Variants in ASCC3 observed in about 807,000 individuals in gnomAD.
The protein encoded by ASCC3 is activating signal cointegrator 1 complex subunit 3.
Under a neutral mutation model 256.3 loss-of-function variants are expected in ASCC3, and 158 were observed. That is an observed-to-expected ratio of 0.62 (90% CI 0.54 to 0.70). The LOEUF is 0.70. Among genes scored for constraint, ASCC3 ranks in the 30% least tolerant of loss-of-function variants. The pLI is 0.00. For missense variants in ASCC3, 2,259 were observed against 2,626.0 expected (o/e 0.86, Z 3.05); for synonymous variants, 948 against 883.4 (o/e 1.07, Z -1.30).
chr6:100,638,941 A>G (rs992955888), intron 24 of ASCC3, 120 bp from the exon 25 acceptor site: 18 of 817,020 alleles, frequency 2.2e-5, no homozygotes, highest in Admixed American at 2.2e-4. Flanking sequence ...GAAAAAACAC[A>G]AACTCTTATA....
intron 37 of ASCC3, among the ~76,000 whole-genome samples, chr6:100,536,367 A>G (rs1775162517): frequency 6.6e-6 from 1 of 152,230 alleles, no homozygotes; most frequent in Non-Finnish European, 1.5e-5. Context: ...ACGGGAGGTA[A>G]ATGGACATGC....
At chr6:100,632,182 T>TAAAAAAAAAAAAAAAAAAAAAAAAAAA (rs35229827) in intron 25 of ASCC3, among the ~76,000 whole-genome samples, 1 of 102,016 alleles carries the variant, frequency 9.8e-6, no homozygotes, top group Non-Finnish European at 2.0e-5. Flanking sequence ...GCAAACTATC[T>TAAAAAAAAAAAAAAAAAAAAAAAAAAA]AAAAAAAAAA....
intron 34 of ASCC3, among the ~76,000 whole-genome samples, chr6:100,597,659 T>A (rs1192566749): frequency 6.6e-6 from 1 of 151,502 alleles, no homozygotes; most frequent in East Asian, 1.9e-4. Flanking sequence ...AACCAACACA[T>A]GAAATATGAA....
intron 36 of ASCC3, among the ~76,000 whole-genome samples, chr6:100,557,135 T>G (rs146519856): frequency 0.012 from 1,856 of 152,284 alleles, 25 homozygotes; most frequent in Non-Finnish European, 0.015. Context: ...GTTGACTTAT[T>G]CTACTCTTTT....
chr6:100,831,980 A>G (rs1454432261), intron 4 of ASCC3, among the ~76,000 whole-genome samples: 1 of 152,150 alleles, frequency 6.6e-6, no homozygotes, highest in Non-Finnish European at 1.5e-5. Flanking sequence ...TTCTGTGGAA[A>G]TAGTACAAAG....
chr6:100,844,361 T>G (rs1772291864), intron 4 of ASCC3, among the ~76,000 whole-genome samples: 1 of 151,630 alleles, frequency 6.6e-6, no homozygotes, highest in Non-Finnish European at 1.5e-5. Context: ...GGTCCATACA[T>G]AACAGGCACT....
At chr6:100,681,262 C>T (rs1454191846) in intron 13 of ASCC3, among the ~76,000 whole-genome samples, 1 of 151,664 alleles carries the variant, frequency 6.6e-6, no homozygotes, top group African/African-American at 2.4e-5. Context: ...CAAAACAAAG[C>T]AAAACAAAAA....
At chr6:100,510,335 T>G (rs932750629) in intron 40 of ASCC3, 105 of 521,556 alleles carry the variant, frequency 2.0e-4, no homozygotes, top group Non-Finnish European at 3.5e-4. Flanking sequence ...TAGTTCGTAG[T>G]TGTAACTATC....
At chr6:100,830,070 A>G (rs574371734) in intron 4 of ASCC3, among the ~76,000 whole-genome samples, 64 of 152,138 alleles carry the variant, frequency 4.2e-4, no homozygotes, top group East Asian at 7.8e-4. Flanking sequence ...ATGTAATTTA[A>G]AAACCTTGTT....
chr6:100,681,697 A>G (rs900415476), intron 13 of ASCC3, among the ~76,000 whole-genome samples: 4 of 130,390 alleles, frequency 3.1e-5, no homozygotes, highest in African/African-American at 1.2e-4. Context: ...ACTGCACTCC[A>G]GCCTGGCAAC....
intron 13 of ASCC3, among the ~76,000 whole-genome samples, chr6:100,712,881 T>G (rs555778168): frequency 8.7e-4 from 131 of 149,750 alleles, no homozygotes; most frequent in Non-Finnish European, 1.6e-3. Flanking sequence ...CCTCAGGCTC[T>G]GCAGCAGCTG....
At chr6:100,682,005 G>T (rs953514016) in intron 13 of ASCC3, among the ~76,000 whole-genome samples, 1 of 151,836 alleles carries the variant, frequency 6.6e-6, no homozygotes, top group Non-Finnish European at 1.5e-5. Flanking sequence ...TTATAATAAT[G>T]CCCTGCTGAA....
intron 11 of ASCC3, among the ~76,000 whole-genome samples, chr6:100,718,523 C>A (rs1243226953): frequency 6.6e-6 from 1 of 151,750 alleles, no homozygotes; most frequent in Non-Finnish European, 1.5e-5. Context: ...CTTTGGGAGG[C>A]AAGGTGGGCG....
chr6:100,537,401 C>T (rs538728065), intron 37 of ASCC3, among the ~76,000 whole-genome samples: 4 of 152,068 alleles, frequency 2.6e-5, no homozygotes, highest in Non-Finnish European at 2.9e-5. Context: ...AAGACTAAGG[C>T]GACATGACAA....
rs757017535 is a variant in ASCC3, at chr6:100,512,916, T to C, written c.6078A>G (p.Ala2026=). Residue 2026 remains alanine (A), a splice_region_variant and synonymous_variant, in exon 40 of 42, where the codon GCA becomes GCG. Transcript: ENST00000369162. ...SELHAAKTKQ[A]WNFLSHLPVI... ...CTGGCAAGTGAGATAAGAAATTCCA[T>C]GCCTAAATAAAAAGAGAAAAGAAAC... is the stretch of plus-strand genomic sequence containing the variant. The C allele has an allele frequency of 3.1e-6, 5 of 1,612,930 alleles. No individual in the cohort carries two copies. Among genetic ancestry groups the C allele is most frequent in the East Asian group, 2.2e-5 (1 of 44,852 alleles).
At chr6:100,513,019 T>G in intron 39 of ASCC3, 101 bp from the exon 40 acceptor site, 1 of 1,031,532 alleles carries the variant, frequency 9.7e-7, no homozygotes, top group Non-Finnish European at 1.4e-6. Context: ...AACCTTTTAA[T>G]GTTGAGATTA....
intron 8 of ASCC3, among the ~76,000 whole-genome samples, chr6:100,774,438 T>A (rs555974618): frequency 9.9e-5 from 15 of 152,102 alleles, no homozygotes; most frequent in African/African-American, 3.1e-4. Context: ...CTATCTTGGC[T>A]CACGGCAACC....
intron 26 of ASCC3, among the ~76,000 whole-genome samples, chr6:100,629,562 T>G (rs1216741463): frequency 6.6e-6 from 1 of 152,150 alleles, no homozygotes; most frequent in Non-Finnish European, 1.5e-5. Context: ...AGTGTTACTT[T>G]ATGGAGACAA....
chr6:100,745,808 T>C (rs1251135107), intron 10 of ASCC3, among the ~76,000 whole-genome samples: 1 of 152,190 alleles, frequency 6.6e-6, no homozygotes, highest in African/African-American at 2.4e-5. Context: ...TACTGCTCTA[T>C]TTCCTAGTTT....
Sources: allele counts gnomAD v4.1 joint callset (sites outside exome capture counted in the v4.1 genomes callset), GRCh38; gene constraint gnomAD v4.1.1; transcripts MANE v1.5; gene names NCBI Gene and HGNC (gene_info 2026-07-23, HGNC 2026-07-21).